Variants in ARHGEF4 observed in about 807,000 individuals in gnomAD.
ARHGEF4 encodes APC-stimulated guanine nucleotide exchange factor 1.
A neutral mutation model predicts 162.0 loss-of-function variants in ARHGEF4; 119 were observed. The ratio of observed to expected loss-of-function variants is 0.73; its 90% CI spans 0.63 to 0.86. The LOEUF (loss-of-function observed/expected upper bound fraction) is 0.86, where lower values mean the gene tolerates loss of function less well. ARHGEF4 is among the 40% of genes least tolerant of loss of function. The pLI, the probability that ARHGEF4 is intolerant of heterozygous loss-of-function variation, is 0.00. For missense variants in ARHGEF4, 2,488 were observed against 2,456.0 expected, an observed-to-expected ratio of 1.01 and a Z score of -0.28; for synonymous variants, 1,014 against 979.9, an observed-to-expected ratio of 1.03 and a Z score of -0.65.
intron 4 of ARHGEF4, among the ~76,000 whole-genome samples, chr2:130,959,257 A>T (rs1327889364): frequency 6.6e-6 from 1 of 151,946 alleles, no homozygotes; most frequent in Non-Finnish European, 1.5e-5. Flanking sequence ...ACATTTCTTA[A>T]ACTTCCTTCT....
chr2:131,047,233 A>AAAT lies in ARHGEF4; in HGVS notation c.*1047_*1049dup, dbSNP rs1262765311. 6.6e-6 allele frequency: 1 copy of AAAT among 152,126 alleles called. No individual in the cohort carries two copies. The highest frequency in any genetic ancestry group is 1.5e-5 in the Non-Finnish European group (1 of 68,032). 9.4% of individuals were successfully genotyped at this position (152,126 alleles called of 1,614,324 possible). On this transcript the variant is annotated 3_prime_UTR_variant, in exon 14 of 14. Transcript: ENST00000409359. ...AGCCAGAAACCACATTTAATTTCAT[A>AAAT]AATAAATTTATGAAAAGTAACCTGG...
At chr2:130,897,745 AG>A (rs545239908) in intron 1 of ARHGEF4, among the ~76,000 whole-genome samples, 51 of 152,348 alleles carry the variant, frequency 3.3e-4, no homozygotes, top group African/African-American at 1.2e-3. Context: ...CAGGCAGGTC[AG>A]GTCCCTGACT....
At chr2:131,018,183 C>G (rs1386644931) in intron 4 of ARHGEF4, among the ~76,000 whole-genome samples, 1 of 152,200 alleles carries the variant, frequency 6.6e-6, no homozygotes, top group Non-Finnish European at 1.5e-5. Context: ...CAAACAAGTA[C>G]AGCCAACCAG....
chr2:130,844,337 C>G (rs1260805275), intron 1 of ARHGEF4, among the ~76,000 whole-genome samples: 2 of 152,198 alleles, frequency 1.3e-5, no homozygotes, highest in Non-Finnish European at 2.9e-5. Context: ...GCCTGTGAGG[C>G]CCTCCGGCCC....
At chr2:130,839,695 G>A (rs1193156244) in intron 1 of ARHGEF4, among the ~76,000 whole-genome samples, 4 of 152,166 alleles carry the variant, frequency 2.6e-5, no homozygotes, top group African/African-American at 7.2e-5. Context: ...AGGAAAATAT[G>A]TTGTCTCAAA....
At chr2:131,039,797 C>T in intron 6 of ARHGEF4, 2 of 1,404,430 alleles carry the variant, frequency 1.4e-6, no homozygotes, top group Non-Finnish European at 1.8e-6. Context: ...AATCGGTATT[C>T]GGATCACACT....
chr2:130,897,011 G>A (rs1680193844), intron 1 of ARHGEF4, among the ~76,000 whole-genome samples: 1 of 152,180 alleles, frequency 6.6e-6, no homozygotes, highest in African/African-American at 2.4e-5. Flanking sequence ...GGAAGGGAGG[G>A]GAACTAGTTC....
chr2:130,913,505 TTG>T (rs1260627238), intron 1 of ARHGEF4, among the ~76,000 whole-genome samples: 1 of 152,250 alleles, frequency 6.6e-6, no homozygotes, highest in Non-Finnish European at 1.5e-5. Context: ...GCTGTACTTT[TTG>T]TGTTTTTTTG....
At position 131,046,158 on chromosome 2, in the gene ARHGEF4, G is replaced by A; in HGVS notation, c.5600G>A (p.Ser1867Asn). ...CGCAAGCCATCTACCTTCTGGCACA[G>A]CATCAGCCGGCTGGCACCCTTCCGC... ...PRRKPSTFWH[S>N]ISRLAPFRK Residue 1867 changes from serine to asparagine, a missense_variant, in exon 14 of 14, where the codon AGC (serine) becomes AAC (asparagine). Transcript: ENST00000409359. The A allele has an allele frequency of 1.9e-6, 3 of 1,612,782 alleles. No individual in the cohort carries two copies.
intron 1 of ARHGEF4, among the ~76,000 whole-genome samples, chr2:130,842,002 T>A (rs1156375815): frequency 6.6e-6 from 1 of 152,220 alleles, no homozygotes; most frequent in African/African-American, 2.4e-5. Flanking sequence ...CTCACCATTC[T>A]CCCTGGTTTT....
At chr2:130,923,076 G>A (rs1471596952) in intron 2 of ARHGEF4, among the ~76,000 whole-genome samples, 5 of 151,848 alleles carry the variant, frequency 3.3e-5, no homozygotes, top group Admixed American at 6.6e-5. Flanking sequence ...GACTACAGGC[G>A]CGAGCCACAA....
At chr2:130,942,151 T>TC (rs1200953675) in intron 3 of ARHGEF4, among the ~76,000 whole-genome samples, 1 of 122,238 alleles carries the variant, frequency 8.2e-6, no homozygotes, top group Non-Finnish European at 1.6e-5. Context: ...TTTTCTTTTT[T>TC]CTTTTTTTTT....
chr2:131,018,278 A>C (rs6430518), intron 4 of ARHGEF4, among the ~76,000 whole-genome samples: 146,424 of 152,278 alleles, frequency 0.96, 70,561 homozygotes, highest in Non-Finnish European at 0.99. Flanking sequence ...TGACCATACT[A>C]AGGATGAACT....
At chr2:130,987,458 G>C (rs560300041) in intron 4 of ARHGEF4, among the ~76,000 whole-genome samples, 177 of 152,360 alleles carry the variant, frequency 1.2e-3, no homozygotes, top group Non-Finnish European at 1.9e-3. Flanking sequence ...GCATGGAACA[G>C]GACCCAAGGG....
intron 1 of ARHGEF4, among the ~76,000 whole-genome samples, chr2:130,840,598 C>T (rs969823142): frequency 2.4e-4 from 37 of 152,320 alleles, no homozygotes; most frequent in South Asian, 1.2e-3. Context: ...GTTCCTGCCA[C>T]GTACTGGCAT....
chr2:130,879,394 A>G (rs1209436462), intron 1 of ARHGEF4, among the ~76,000 whole-genome samples: 1 of 152,194 alleles, frequency 6.6e-6, no homozygotes, highest in Non-Finnish European at 1.5e-5. Flanking sequence ...TGGAATGGCG[A>G]AATCAAGCCA....
chr2:130,917,997 A>G (rs1407171314), intron 2 of ARHGEF4, among the ~76,000 whole-genome samples: 2 of 150,948 alleles, frequency 1.3e-5, no homozygotes, highest in African/African-American at 4.9e-5. Context: ...AATTTTTGTT[A>G]TTTTAGTAGA....
At chr2:130,838,226 C>T (rs1313905628) in intron 1 of ARHGEF4, among the ~76,000 whole-genome samples, 2 of 152,222 alleles carry the variant, frequency 1.3e-5, no homozygotes, top group Non-Finnish European at 2.9e-5. Context: ...CACATAACCA[C>T]CTGGGTCTTT....
At chr2:130,975,048 A>T (rs1558792651) in intron 4 of ARHGEF4, among the ~76,000 whole-genome samples, 1 of 151,550 alleles carries the variant, frequency 6.6e-6, no homozygotes, top group Non-Finnish European at 1.5e-5. Flanking sequence ...TTTTAAGAGC[A>T]GCGTCTGTGA....
Sources: allele counts gnomAD v4.1 joint callset (sites outside exome capture counted in the v4.1 genomes callset), GRCh38; gene constraint gnomAD v4.1.1; transcripts MANE v1.5; gene names NCBI Gene and HGNC (gene_info 2026-07-23, HGNC 2026-07-21).